The following BICRAL variants were observed in gnomAD, a reference collection of about 807,000 sequenced individuals.
The protein encoded by BICRAL is BRD4-interacting chromatin-remodeling complex-associated protein-like.
In BICRAL, 8 loss-of-function variants were observed where a neutral mutation model predicts 91.8. That is an observed-to-expected ratio of 0.09 (90% confidence interval 0.05 to 0.16). The LOEUF (loss-of-function observed/expected upper bound fraction) is 0.16. Among genes scored for constraint, BICRAL ranks in the 10% least tolerant of loss-of-function variants. BICRAL has a pLI of 1.00. For missense variants in BICRAL, 1,038 were observed against 1,310.9 expected (o/e 0.79, Z 3.21); for synonymous variants, 445 against 491.1 (o/e 0.91, Z 1.24).
intron 1 of BICRAL, among the ~76,000 whole-genome samples, chr6:42,783,072 CGAG>C (rs1267022757): frequency 6.6e-6 from 1 of 151,674 alleles, no homozygotes; most frequent in East Asian, 1.9e-4. Context: ...GCGGCCGCGG[CGAG>C]GAGAGCAGGT....
intron 1 of BICRAL, among the ~76,000 whole-genome samples, chr6:42,770,961 C>T (rs1340711082): frequency 2.0e-5 from 3 of 152,270 alleles, no homozygotes; most frequent in East Asian, 1.9e-4. Context: ...GGATTACAGG[C>T]GTGAGCCACC....
intron 6 of BICRAL, among the ~76,000 whole-genome samples, chr6:42,847,866 A>G (rs1765064284): frequency 6.6e-6 from 1 of 152,108 alleles, no homozygotes; most frequent in African/African-American, 2.4e-5. Context: ...GCGGTGGCTC[A>G]CGCCTGTAAT....
chr6:42,832,148 G>C (rs1362469812), intron 6 of BICRAL, among the ~76,000 whole-genome samples: 2 of 148,886 alleles, frequency 1.3e-5, no homozygotes, highest in Non-Finnish European at 3.0e-5. Flanking sequence ...AGGAGTTCAA[G>C]ACCAGCCTGG....
At chr6:42,798,926 A>G (rs1314433143) in intron 1 of BICRAL, among the ~76,000 whole-genome samples, 1 of 114,802 alleles carries the variant, frequency 8.7e-6, no homozygotes, top group East Asian at 2.5e-4. Flanking sequence ...ATTGTTTTAA[A>G]ATTTGTATTA....
intron 8 of BICRAL, 30 bp from the exon 9 acceptor site, chr6:42,855,826 G>A: frequency 6.4e-7 from 1 of 1,572,094 alleles, no homozygotes. Flanking sequence ...TCTATAAAAG[G>A]GAATAATAAG....
chr6:42,761,215 G>A (rs982580961), intron 1 of BICRAL, among the ~76,000 whole-genome samples: 2 of 152,194 alleles, frequency 1.3e-5, no homozygotes, highest in Admixed American at 6.5e-5. Context: ...AGCAGTTTGG[G>A]AGGCTGAGGC....
At chr6:42,808,725 T>G (rs1367430797) in intron 1 of BICRAL, among the ~76,000 whole-genome samples, 2 of 152,106 alleles carry the variant, frequency 1.3e-5, no homozygotes, top group Non-Finnish European at 2.9e-5. Context: ...ACCAGCTGTT[T>G]TAGGCCTCCA....
intron 1 of BICRAL, among the ~76,000 whole-genome samples, chr6:42,790,330 ATTT>A (rs70990136): frequency 5.5e-4 from 48 of 87,824 alleles, no homozygotes; most frequent in African/African-American, 2.3e-3. Flanking sequence ...AGATAATTTA[ATTT>A]TTTTTTTTTT....
At chr6:42,784,753 A>T (rs1219003972) in intron 1 of BICRAL, among the ~76,000 whole-genome samples, 1 of 152,186 alleles carries the variant, frequency 6.6e-6, no homozygotes, top group Non-Finnish European at 1.5e-5. Flanking sequence ...AATTTGGGAG[A>T]TGTTTTTAAA....
chr6:42,809,667 G>A (rs770690241), intron 1 of BICRAL, among the ~76,000 whole-genome samples: 3 of 151,904 alleles, frequency 2.0e-5, no homozygotes, highest in Non-Finnish European at 4.4e-5. Context: ...GTAGAGATGG[G>A]GTTTTGCCAT....
At chr6:42,753,858 C>T (rs1223346500) in intron 1 of BICRAL, among the ~76,000 whole-genome samples, 5 of 152,074 alleles carry the variant, frequency 3.3e-5, no homozygotes, top group South Asian at 2.1e-4. Flanking sequence ...GTGATCTGCC[C>T]GCCTCAGCTT....
At position 42,821,967 on chromosome 6, in the gene BICRAL, G is replaced by C; in HGVS notation, c.-5-51G>C. On this transcript the variant is annotated intron_variant, in intron 2 of 12. Coordinates refer to ENST00000314073, the MANE Select transcript of BICRAL (RefSeq NM_001393499.1). ...ACTTTTGTATTGCATTGATACTACT[G>C]TCTTTAATCTGCTTTACTGAAACCT... is the stretch of plus-strand genomic sequence containing the variant. 3.5e-6 allele frequency: 4 copies of C among 1,148,694 alleles called. No homozygotes were observed. The Admixed American group carries it at 7.0e-5, about 20-fold the overall frequency. The allele number at this position is 1,148,694 out of a possible 1,614,324, so 71.2% of individuals were successfully genotyped here. A position where few individuals can be genotyped will look rare whatever the true frequency, so the allele number is the denominator to read the frequency against.
At chr6:42,797,480 G>A (rs942752254) in intron 1 of BICRAL, among the ~76,000 whole-genome samples, 1 of 152,090 alleles carries the variant, frequency 6.6e-6, no homozygotes, top group Non-Finnish European at 1.5e-5. Flanking sequence ...GAATCAGACC[G>A]ATCTGAGTTC....
At chr6:42,826,377 G>A (rs1027682854) in intron 5 of BICRAL, among the ~76,000 whole-genome samples, 3 of 151,766 alleles carry the variant, frequency 2.0e-5, no homozygotes, top group African/African-American at 7.3e-5. Flanking sequence ...TGGTATTACA[G>A]GCGTGTGTCA....
chr6:42,762,012 A>G (rs1762558443), intron 1 of BICRAL, among the ~76,000 whole-genome samples: 1 of 152,218 alleles, frequency 6.6e-6, no homozygotes, highest in Non-Finnish European at 1.5e-5. Flanking sequence ...CCAGGCCTAC[A>G]GTAGCTCCTC....
intron 2 of BICRAL, among the ~76,000 whole-genome samples, chr6:42,814,499 G>GTGTGTGTATATATA (rs374054837): frequency 1.3e-4 from 8 of 61,270 alleles, no homozygotes; most frequent in African/African-American, 6.3e-4. Context: ...GTGTGTGTGT[G>GTGTGTGTATATATA]TATATATATA....
chr6:42,848,512 A>G (rs1211928416), intron 6 of BICRAL, among the ~76,000 whole-genome samples: 1 of 152,248 alleles, frequency 6.6e-6, no homozygotes, highest in East Asian at 1.9e-4. Context: ...GTAAAATAGA[A>G]CACATTCAGG....
upstream of BICRAL, among the ~76,000 whole-genome samples, chr6:42,777,255 C>A (rs1362724661): frequency 6.6e-6 from 1 of 152,186 alleles, no homozygotes; most frequent in Non-Finnish European, 1.5e-5. Flanking sequence ...AAACATTTTA[C>A]ACTAGTTCCT....
intron 1 of BICRAL, among the ~76,000 whole-genome samples, chr6:42,771,202 G>A (rs1350677481): frequency 6.6e-6 from 1 of 152,220 alleles, no homozygotes; most frequent in Admixed American, 6.5e-5. Flanking sequence ...GTACAGGGTT[G>A]GCGGGTGTTG....
Sources: gnomAD v4.1 joint callset for allele counts (sites outside exome capture counted in the v4.1 genomes callset) on GRCh38, gnomAD v4.1.1 for gene constraint, MANE v1.5 for transcripts, NCBI Gene and HGNC (gene_info 2026-07-23, HGNC 2026-07-21) for gene names.